DNAH9: variants seen among roughly 807,000 people sequenced by gnomAD.
DNAH9 encodes dynein axonemal heavy chain 9.
DNAH9 carries 345 observed loss-of-function variants against 471.6 expected under a neutral mutation model. That is an observed-to-expected ratio of 0.73 (90% CI 0.67 to 0.80). DNAH9 has a LOEUF of 0.80. DNAH9 is among the 30% of genes least tolerant of loss of function. The pLI is 0.00. For synonymous variants in DNAH9, 2,093 were observed against 2,123.6 expected (o/e 0.99, Z 0.40); for missense variants, 5,407 against 5,609.2 (o/e 0.96, Z 1.15).
intron 1 of DNAH9, among the ~76,000 whole-genome samples, chr17:11,605,208 C>CAA (rs2072474753): frequency 1.3e-5 from 2 of 152,156 alleles, no homozygotes; most frequent in African/African-American, 4.8e-5. Flanking sequence ...AGCCTTTGTT[C>CAA]AAATCTTATC....
At chr17:11,633,164 G>C (rs1425712213) in intron 8 of DNAH9, among the ~76,000 whole-genome samples, 1 of 152,190 alleles carries the variant, frequency 6.6e-6, no homozygotes, top group Non-Finnish European at 1.5e-5. Flanking sequence ...GTGTATGGAG[G>C]AGAAGGTTTA....
chr17:11,694,508 C>A, intron 22 of DNAH9, 61 bp downstream of exon 22: 2 of 1,587,654 alleles, frequency 1.3e-6, no homozygotes, highest in African/African-American at 1.3e-5. Flanking sequence ...CAGCAGGAGG[C>A]AGTTTCTGGC....
intron 33 of DNAH9, 52 bp from the exon 34 acceptor site, chr17:11,756,516 G>A: frequency 9.7e-7 from 1 of 1,028,756 alleles, no homozygotes; most frequent in Non-Finnish European, 1.5e-6. Flanking sequence ...CCACAGGCTG[G>A]CAAGGCACCT....
At chr17:11,772,322 A>T (rs906550559) in intron 38 of DNAH9, among the ~76,000 whole-genome samples, 37 of 152,260 alleles carry the variant, frequency 2.4e-4, no homozygotes, top group African/African-American at 6.7e-4. Context: ...TAATATTTTT[A>T]AAATATCCTT....
intron 32 of DNAH9, among the ~76,000 whole-genome samples, chr17:11,751,378 A>C (rs535015938): frequency 7.2e-5 from 11 of 152,174 alleles, no homozygotes; most frequent in African/African-American, 2.6e-4. Context: ...AGTAAGGAGA[A>C]TCAAACAGTA....
intron 23 of DNAH9, among the ~76,000 whole-genome samples, chr17:11,700,441 A>G (rs2074569687): frequency 6.6e-6 from 1 of 152,104 alleles, no homozygotes; most frequent in Admixed American, 6.5e-5. Context: ...GACACAAACC[A>G]CGGGACCATT....
intron 26 of DNAH9, among the ~76,000 whole-genome samples, chr17:11,711,260 C>T (rs2074823299): frequency 6.6e-6 from 1 of 152,080 alleles, no homozygotes; most frequent in Admixed American, 6.6e-5. Context: ...ATTGACAGCC[C>T]ATCAGAATAC....
At chr17:11,636,523 T>C (rs1170118036) in intron 8 of DNAH9, 111 bp from the exon 9 acceptor site, 8 of 746,746 alleles carry the variant, frequency 1.1e-5, no homozygotes, top group Admixed American at 4.9e-5. Context: ...CACTGTTCAC[T>C]CTTCTTACAT....
chr17:11,645,314 G>A (rs2073360148), intron 11 of DNAH9, among the ~76,000 whole-genome samples: 1 of 152,086 alleles, frequency 6.6e-6, no homozygotes, highest in Non-Finnish European at 1.5e-5. Flanking sequence ...ACCTCTACCT[G>A]GCAAGTAACA....
At position 11,834,662 on chromosome 17, in the gene DNAH9, G is replaced by C. The variant is rs772487003; in HGVS notation, c.9271G>C (p.Ala3091Pro). Residue 3091 changes from alanine to proline, a missense_variant, in exon 49 of 69, where the codon GCT becomes CCT. This residue lies in a region of DNAH9 where 4,636 missense variants were observed against 4,900.3 expected (regional missense o/e 0.95). Transcript: ENST00000262442. ...AQVDDLKAKL[A>P]AQEVELKQKN... ...GGTGGATGATCTGAAAGCAAAGCTG[G>C]CTGCCCAGGAAGTAGAGCTGAAGCA... 10 of 1,613,990 alleles carry C rather than the reference G, an allele frequency of 6.2e-6. No individual in the cohort carries two copies. In the Admixed American group the frequency reaches 1.7e-4, roughly 27 times the overall value.
In DNAH9 at chr17:11,687,655, G is replaced by A. The variant is rs775986591; in HGVS notation, c.3744-1911G>A. 8.5e-5 allele frequency among the ~76,000 whole-genome samples: 13 copies of A among 152,166 alleles called. No individual in the cohort carries two copies. In the East Asian group the frequency reaches 2.1e-3, roughly 25 times the overall value. On this transcript the variant is annotated intron_variant, in intron 19 of 68. Coordinates refer to ENST00000262442, the MANE Select transcript of DNAH9 (RefSeq NM_001372.4). ...CTTTGATGGTGAACCCCATGATGAC[G>A]TGTTTTGATTTTAGCAAAACATACC...
At position 11,854,157 on chromosome 17, in the gene DNAH9, TC is replaced by T. The variant is rs1971535902; in HGVS notation, c.9664del (p.Leu3222TrpfsTer4). The T allele has an allele frequency of 6.2e-7, 1 of 1,613,974 alleles. No homozygotes were observed. Among genetic ancestry groups the T allele is most frequent in the Non-Finnish European group, 8.5e-7 (1 of 1,180,024 alleles). ...GTCACCATGGCCAAAGTGGATGGCT[TC>T]CTGGACTCGCTAATAAACTTCAACA... The part of the protein sequence containing the change: ...AKVTMAKVDG[F>X]LDSLINFNKE... On this transcript the variant is annotated frameshift_variant, in exon 50 of 69. Coordinates refer to ENST00000262442, the MANE Select transcript of DNAH9 (RefSeq NM_001372.4). LOFTEE classifies it high-confidence loss of function.
rs1269809433 is a variant in DNAH9, at chr17:11,689,799, A to G, written c.3977A>G (p.Asn1326Ser). 1 of 1,614,186 alleles carries G rather than the reference A, an allele frequency of 6.2e-7. No homozygotes were observed. Among genetic ancestry groups the G allele is most frequent in the Admixed American group, 1.7e-5 (1 of 60,014 alleles). ...IHAWETTPWRNINVEAMELEC... is the reference protein window; with the variant it reads ...IHAWETTPWRSINVEAMELEC... ...GCCTGGGAGACCACACCCTGGAGGA[A>G]TATCAACGTGGAAGCCATGGAGTTG... is the stretch of plus-strand genomic sequence containing the variant. The change falls in exon 20 of 69, where the codon AAT (asparagine) becomes AGT (serine). Residue 1326 changes from asparagine (N) to serine (S), a missense_variant. This residue lies in a region of DNAH9 where 4,636 missense variants were observed against 4,900.3 expected (regional missense o/e 0.95). Transcript: ENST00000262442.
In DNAH9 at chr17:11,936,276, CAGG is replaced by C. The variant is rs1194528618; in HGVS notation, c.12490-1074_12490-1072del. ...CACCAAGGAATCGTCAAAATCATAT[CAGG>C]AACGGAACTTGAGGGATATTTTCCC... On this transcript the variant is annotated intron_variant, in intron 65 of 68. Transcript: ENST00000262442. Among the ~76,000 whole-genome samples, 32 of 152,216 alleles carry C rather than the reference CAGG, an allele frequency of 2.1e-4. No homozygotes were observed. In the East Asian group the frequency reaches 5.8e-3, roughly 28 times the overall value.
In DNAH9 at chr17:11,861,006, T is replaced by C. The variant is rs900672414; in HGVS notation, c.9933+6578T>C. Among the ~76,000 whole-genome samples, 3 of 151,662 alleles carry C rather than the reference T, an allele frequency of 2.0e-5. No homozygotes were observed. The South Asian group carries it at 6.3e-4, about 32-fold the overall frequency. On this transcript the variant is annotated intron_variant, in intron 50 of 68. Transcript: ENST00000262442. ...GGTTCTTGATGTCTGAAACTTTACA[T>C]TGATGTGCTTAGCTGTCATTCTTTT...
intron 49 of DNAH9, 100 bp downstream of exon 49, chr17:11,834,998 G>A (rs945692022): frequency 6.2e-6 from 9 of 1,440,560 alleles, no homozygotes; most frequent in Non-Finnish European, 8.3e-6. Flanking sequence ...TGTTGGGAGA[G>A]TTTAGGGTGG....
Position 11,669,733 on chromosome 17 carries a change from A to C in DNAH9, c.3292A>C (p.Asn1098His). 6.2e-7 allele frequency: 1 copy of C among 1,614,152 alleles called. No individual in the cohort carries two copies. The highest frequency in any genetic ancestry group is 8.5e-7 in the Non-Finnish European group (1 of 1,180,010). ...DIRPFKASLL[N>H]IIKRWSLLFK... ...TCGACCCTTTAAGGCATCTCTGCTG[A>C]ATATTATTAAGAGGTGGAGCCTCCT... is the stretch of plus-strand genomic sequence containing the variant. The change falls in exon 17 of 69, where the codon AAT (asparagine) becomes CAT (histidine). Residue 1098 changes from asparagine (N) to histidine (H), a missense_variant. Asn to His is a moderately conservative substitution (Grantham distance 68). Coordinates refer to ENST00000262442, the MANE Select transcript of DNAH9 (RefSeq NM_001372.4).
intron 29 of DNAH9, among the ~76,000 whole-genome samples, chr17:11,741,494 T>C (rs1000530352): frequency 6.6e-6 from 1 of 152,166 alleles, no homozygotes; most frequent in Non-Finnish European, 1.5e-5. Context: ...GAAATTTACA[T>C]TTGTATTCAA....
intron 24 of DNAH9, among the ~76,000 whole-genome samples, chr17:11,701,717 C>T (rs1433163223): frequency 2.6e-5 from 4 of 152,120 alleles, no homozygotes; most frequent in East Asian, 1.9e-4. Context: ...GTTGCTCTGT[C>T]GCCCAGGCTG....
Sources: gnomAD v4.1 joint callset for allele counts (sites outside exome capture counted in the v4.1 genomes callset) on GRCh38, gnomAD v4.1.1 for gene constraint, gnomAD v4.1.1 regional missense constraint, MANE v1.5 for transcripts, NCBI Gene and HGNC (gene_info 2026-07-23, HGNC 2026-07-21) for gene names.